Variants in CSMD1 observed in about 807,000 individuals in gnomAD.
CSMD1 encodes the protein CUB and sushi domain-containing protein 1.
A neutral mutation model predicts 417.5 loss-of-function variants in CSMD1; 213 were observed. That is an observed-to-expected ratio of 0.51 (90% CI 0.46 to 0.57). CSMD1 has a LOEUF of 0.57. CSMD1 is among the 20% of genes least tolerant of loss of function. CSMD1 has a pLI of 0.00. For missense variants in CSMD1, 6,923 were observed against 4,529.7 expected (o/e 1.53, Z -15.17); for synonymous variants, 2,862 against 1,736.8 (o/e 1.65, Z -16.11).
At chr8:3,928,016 C>G (rs1273032895) in intron 5 of CSMD1, among the ~76,000 whole-genome samples, 1 of 152,004 alleles carries the variant, frequency 6.6e-6, no homozygotes, top group Non-Finnish European at 1.5e-5. Context: ...ATTATCTTTT[C>G]TAATTGATGA....
intron 3 of CSMD1, among the ~76,000 whole-genome samples, chr8:4,162,415 T>C (rs1055334821): frequency 2.6e-5 from 4 of 152,194 alleles, no homozygotes; most frequent in Non-Finnish European, 5.9e-5. Flanking sequence ...GAGGATATAG[T>C]GTAACTGATA....
intron 3 of CSMD1, among the ~76,000 whole-genome samples, chr8:4,201,504 G>C (rs1210776783): frequency 8.4e-6 from 1 of 118,354 alleles, no homozygotes; most frequent in East Asian, 2.8e-4. Flanking sequence ...CGCCACTGCC[G>C]TCCGGCCTAG....
Position 2,938,669 on chromosome 8 carries a change from G to T in CSMD1, c.10611C>A (p.Pro3537=). ...NSNGQASFEN[P]MYDTNLKPTE... ...TGGGTTTTAAGTTTGTATCATACAT[G>T]GGGTTTTCAAACGATGCTTGTCCAT... The change falls in exon 70 of 70, where the codon CCC becomes CCA. Residue 3537 remains proline, a synonymous_variant. Transcript: ENST00000635120. The T allele has an allele frequency of 6.2e-7, 1 of 1,611,766 alleles. No homozygotes were observed. The highest frequency in any genetic ancestry group is 8.5e-7 in the Non-Finnish European group (1 of 1,178,898).
intron 10 of CSMD1, among the ~76,000 whole-genome samples, chr8:3,554,721 G>T (rs1334481930): frequency 6.6e-6 from 1 of 152,170 alleles, no homozygotes; most frequent in East Asian, 1.9e-4. Flanking sequence ...AATGTTGAGA[G>T]CTTCAGAACT....
At chr8:3,029,670 T>C (rs570013145) in intron 50 of CSMD1, among the ~76,000 whole-genome samples, 157 bp from the exon 51 acceptor site, 3 of 152,030 alleles carry the variant, frequency 2.0e-5, no homozygotes, top group East Asian at 1.9e-4. Flanking sequence ...ACCACCCACA[T>C]AGACATATGG....
chr8:4,014,228 A>G lies in CSMD1; in HGVS notation c.611-16118T>C, dbSNP rs187581219. ...ACATTCCTAGAAATCTTTCCTTAGG[A>G]AAAAAATCTAACAGAAGCAACAAAC... On this transcript the variant is annotated intron_variant, in intron 4 of 69. Transcript: ENST00000635120. 3.7e-3 allele frequency among the ~76,000 whole-genome samples: 557 copies of G among 152,348 alleles called. 2 individuals carry two copies. Among genetic ancestry groups the G allele is most frequent in the African/African-American group, 0.013 (521 of 41,554 alleles).
chr8:2,993,561 G>C (rs1806600091), intron 54 of CSMD1, among the ~76,000 whole-genome samples: 3 of 152,250 alleles, frequency 2.0e-5, no homozygotes, highest in Non-Finnish European at 4.4e-5. Flanking sequence ...CCAATTATTT[G>C]AGAAGGATCC....
At chr8:4,044,527 C>A (rs1450372581) in intron 3 of CSMD1, among the ~76,000 whole-genome samples, 2 of 152,178 alleles carry the variant, frequency 1.3e-5, no homozygotes, top group Non-Finnish European at 2.9e-5. Flanking sequence ...TCAGGAGGAG[C>A]AGGACACTTC....
At chr8:2,973,026 C>G (rs1437556316) in intron 57 of CSMD1, 91 bp downstream of exon 57, 17 of 1,253,632 alleles carry the variant, frequency 1.4e-5, no homozygotes, top group Non-Finnish European at 1.7e-5. Flanking sequence ...GTACAAACCT[C>G]TAGAATTTTT....
chr8:4,115,833 G>A (rs532960637), intron 3 of CSMD1, among the ~76,000 whole-genome samples: 24 of 152,062 alleles, frequency 1.6e-4, no homozygotes, highest in African/African-American at 5.5e-4. Context: ...AAGCCAATCT[G>A]AAAAGGTACA....
At chr8:4,159,633 G>A (rs559438031) in intron 3 of CSMD1, among the ~76,000 whole-genome samples, 37 of 152,270 alleles carry the variant, frequency 2.4e-4, no homozygotes, top group Non-Finnish European at 4.3e-4. Flanking sequence ...CTGTCGCCCA[G>A]GCTGGAGCAC....
At chr8:4,433,988 G>C (rs559674997) in intron 2 of CSMD1, among the ~76,000 whole-genome samples, 7 of 152,246 alleles carry the variant, frequency 4.6e-5, no homozygotes, top group Non-Finnish European at 8.8e-5. Flanking sequence ...TTTCTCTTCA[G>C]CCTCAAGATT....
intron 5 of CSMD1, among the ~76,000 whole-genome samples, chr8:3,970,722 C>T (rs1813021968): frequency 1.3e-5 from 2 of 152,108 alleles, no homozygotes; most frequent in Non-Finnish European, 1.5e-5. Flanking sequence ...TGCACCTCTG[C>T]TTAACAGGTG....
chr8:4,305,012 C>A (rs1019372237), intron 3 of CSMD1, among the ~76,000 whole-genome samples: 1 of 152,172 alleles, frequency 6.6e-6, no homozygotes, highest in African/African-American at 2.4e-5. Context: ...GGACCCACTA[C>A]AAACACACAG....
chr8:3,266,450 A>G (rs1801438447), intron 26 of CSMD1, among the ~76,000 whole-genome samples: 1 of 151,660 alleles, frequency 6.6e-6, no homozygotes, highest in African/African-American at 2.4e-5. Context: ...TATGAAAAAT[A>G]CAAAAATTAG....
chr8:3,112,491 G>A (rs898514), intron 42 of CSMD1, among the ~76,000 whole-genome samples: 147,814 of 152,326 alleles, frequency 0.97, 71,744 homozygotes, highest in African/African-American at 0.99. Context: ...CCTGATTCCA[G>A]TATTATTTAT....
At chr8:4,862,977 A>G (rs11775748) in intron 1 of CSMD1, among the ~76,000 whole-genome samples, 128,169 of 151,920 alleles carry the variant, frequency 0.84, 55,924 homozygotes, top group East Asian at 1. Context: ...AGGGTGCCCA[A>G]GAGGGAACCA....
rs578078617 is a variant in CSMD1, at chr8:4,904,316, A to G, written c.85+90016T>C. Among the ~76,000 whole-genome samples, 7 of 152,348 alleles carry G rather than the reference A, an allele frequency of 4.6e-5. No homozygotes were observed. In the East Asian group the frequency reaches 1.3e-3, roughly 29 times the overall value. On this transcript the variant is annotated intron_variant, in intron 1 of 69. Coordinates refer to ENST00000635120, the MANE Select transcript of CSMD1 (RefSeq NM_033225.6). ...TAAATGTATTTCCCATTAAAAAATC[A>G]ATAATTTATTACATCTATGAGTATT...
At chr8:4,735,397 C>T (rs562416408) in intron 1 of CSMD1, among the ~76,000 whole-genome samples, 1 of 152,126 alleles carries the variant, frequency 6.6e-6, no homozygotes, top group South Asian at 2.1e-4. Flanking sequence ...TTTATCTGCC[C>T]CAAATAACCT....
Sources: gnomAD v4.1 joint callset for allele counts (sites outside exome capture counted in the v4.1 genomes callset) on GRCh38, gnomAD v4.1.1 for gene constraint, MANE v1.5 for transcripts, NCBI Gene and HGNC (gene_info 2026-07-23, HGNC 2026-07-21) for gene names.